Variants in C3orf20 observed in about 807,000 individuals in gnomAD.
C3orf20 encodes uncharacterized protein C3orf20.
A neutral mutation model predicts 88.3 loss-of-function variants in C3orf20; 76 were observed. That is an observed-to-expected ratio of 0.86 (90% CI 0.72 to 1.04). The LOEUF is 1.04. C3orf20 is among the 50% of genes least tolerant of loss of function. C3orf20 has a pLI of 0.00. For missense variants in C3orf20, 1,056 were observed against 1,123.3 expected (o/e 0.94, Z 0.86); for synonymous variants, 436 against 437.4 (o/e 1.00, Z 0.04).
At chr3:14,689,268 A>G (rs1032979564) in intron 4 of C3orf20, among the ~76,000 whole-genome samples, 1 of 152,114 alleles carries the variant, frequency 6.6e-6, no homozygotes, top group Non-Finnish European at 1.5e-5. Flanking sequence ...AGCAGAGGTG[A>G]TTACTTTTGT....
chr3:14,757,303 G>A, intron 12 of C3orf20, 68 bp from the exon 13 acceptor site: 1 of 1,384,142 alleles, frequency 7.2e-7, no homozygotes. Context: ...CAGGAGCCAG[G>A]GGGCTCTGGG....
At chr3:14,703,385 G>A (rs1343621809) in intron 6 of C3orf20, 123 bp downstream of exon 6, 2 of 1,493,168 alleles carry the variant, frequency 1.3e-6, no homozygotes, top group Non-Finnish European at 9.0e-7. Flanking sequence ...TGCCACCTGG[G>A]AGCGTGGGTT....
intron 1 of C3orf20, among the ~76,000 whole-genome samples, chr3:14,677,092 G>A (rs1023261930): frequency 2.6e-5 from 4 of 152,094 alleles, no homozygotes; most frequent in African/African-American, 4.8e-5. Flanking sequence ...GCAGTCACGC[G>A]CTGACATCTG....
Position 14,772,915 on chromosome 3 carries a change from C to A in C3orf20, c.*40C>A. 6.5e-7 allele frequency: 1 copy of A among 1,544,736 alleles called. No individual in the cohort carries two copies. Among genetic ancestry groups the A allele is most frequent in the Non-Finnish European group, 8.9e-7 (1 of 1,118,714 alleles). ...CAGCCAAGTGAGCCAGGCCCCGGCCCGGGGTGCTGGGGCTTCTTGCCAGCC... is the reference window on the plus strand; with the variant it reads ...CAGCCAAGTGAGCCAGGCCCCGGCCAGGGGTGCTGGGGCTTCTTGCCAGCC... On this transcript the variant is annotated 3_prime_UTR_variant, in exon 17 of 17. Transcript: ENST00000253697. This position sits in a 1 kb window ranked among gnomAD's most constrained non-coding sequence, Gnocchi z 4.2.
At chr3:14,753,639 G>C (rs2035281017) in intron 12 of C3orf20, among the ~76,000 whole-genome samples, 1 of 151,602 alleles carries the variant, frequency 6.6e-6, no homozygotes, top group African/African-American at 2.4e-5. Context: ...TTTTTTTGTT[G>C]TTGTTGAAAA....
At chr3:14,696,371 C>CATCATTATT (rs1553610665) in intron 5 of C3orf20, among the ~76,000 whole-genome samples, 1 of 142,042 alleles carries the variant, frequency 7.0e-6, no homozygotes, top group East Asian at 2.0e-4. Context: ...GTTGTGCTAT[C>CATCATTATT]ATTATTATTA....
chr3:14,706,123 C>T (rs967530020), intron 7 of C3orf20, among the ~76,000 whole-genome samples: 2 of 152,182 alleles, frequency 1.3e-5, no homozygotes, highest in Non-Finnish European at 2.9e-5. Context: ...CAACCAGGCT[C>T]TGCTGGCAGC....
At chr3:14,760,926 T>C (rs1383685024) in intron 14 of C3orf20, among the ~76,000 whole-genome samples, 1 of 152,126 alleles carries the variant, frequency 6.6e-6, no homozygotes, top group Non-Finnish European at 1.5e-5. Context: ...TTTAAGTTAT[T>C]TGTATTTTTT....
At chr3:14,746,330 A>G (rs2035056313) in intron 12 of C3orf20, among the ~76,000 whole-genome samples, 1 of 152,192 alleles carries the variant, frequency 6.6e-6, no homozygotes, top group Non-Finnish European at 1.5e-5. Context: ...AGGTAAAACT[A>G]GTCTCAGAAT....
intron 4 of C3orf20, among the ~76,000 whole-genome samples, chr3:14,687,601 C>T (rs1350119051): frequency 1.3e-5 from 2 of 152,230 alleles, no homozygotes; most frequent in South Asian, 2.1e-4. Context: ...GTTGCACGTG[C>T]ATGAGAGTCC....
At chr3:14,685,935 C>T (rs1264076654) in intron 4 of C3orf20, among the ~76,000 whole-genome samples, 6 of 146,864 alleles carry the variant, frequency 4.1e-5, no homozygotes, top group African/African-American at 7.5e-5. Flanking sequence ...GATCTTGGCT[C>T]GCTGCAAGCT....
chr3:14,755,519 G>C (rs991901194), intron 12 of C3orf20, among the ~76,000 whole-genome samples: 1 of 152,134 alleles, frequency 6.6e-6, no homozygotes, highest in African/African-American at 2.4e-5. Context: ...CTCTGCCCCA[G>C]ATATGCAGGT....
At chr3:14,713,568 C>T (rs2033827458) in intron 7 of C3orf20, among the ~76,000 whole-genome samples, 1 of 152,178 alleles carries the variant, frequency 6.6e-6, no homozygotes, top group African/African-American at 2.4e-5. Context: ...ATATTGCTGG[C>T]CTCAGAGATC....
chr3:14,747,506 A>T (rs1229978864), intron 12 of C3orf20, among the ~76,000 whole-genome samples: 1 of 152,212 alleles, frequency 6.6e-6, no homozygotes, highest in East Asian at 1.9e-4. Flanking sequence ...AGAAAACTGG[A>T]TTGAAAGAAC....
intron 7 of C3orf20, among the ~76,000 whole-genome samples, chr3:14,705,435 T>C (rs2033459027): frequency 6.6e-6 from 1 of 152,256 alleles, no homozygotes. Flanking sequence ...CACAGATGTG[T>C]ATCGAGTATC....
intron 9 of C3orf20, among the ~76,000 whole-genome samples, chr3:14,721,081 C>G (rs1305466979): frequency 6.6e-6 from 1 of 152,176 alleles, no homozygotes; most frequent in African/African-American, 2.4e-5. Context: ...TGCCCCTTTT[C>G]CACCCATCTT....
chr3:14,745,982 A>T (rs1184696074), intron 12 of C3orf20, among the ~76,000 whole-genome samples: 1 of 152,188 alleles, frequency 6.6e-6, no homozygotes, highest in African/African-American at 2.4e-5. Flanking sequence ...GTACCCATTA[A>T]ACAGTCACTT....
intron 12 of C3orf20, among the ~76,000 whole-genome samples, chr3:14,737,412 A>T (rs78375610): frequency 0.01 from 1,544 of 152,362 alleles, 23 homozygotes; most frequent in African/African-American, 0.035. Context: ...CAATAAAGCA[A>T]ATCACACAAA....
Position 14,772,318 on chromosome 3 carries a change from G to A in C3orf20, c.2630+117G>A, listed in dbSNP as rs294624. The A allele has an allele frequency of 3.5e-5, 44 of 1,260,652 alleles. No homozygotes were observed. The Admixed American group carries it at 6.7e-4, about 19-fold the overall frequency. The allele number at this position is 1,260,652 out of a possible 1,614,324, so 78.1% of individuals were successfully genotyped here. A position where few individuals can be genotyped will look rare whatever the true frequency, so the allele number is the denominator to read the frequency against. On this transcript the variant is annotated intron_variant, in intron 16 of 16. Transcript: ENST00000253697. The surrounding 1 kb of genome is among the most constrained non-coding windows in gnomAD (Gnocchi z 4.2). ...GTGGCCTGGGTCATGTCCAACCATC[G>A]CTGACATCTAGCCCATGTAATCAAC... is the stretch of plus-strand genomic sequence containing the variant.
Sources: allele counts gnomAD v4.1 joint callset (sites outside exome capture counted in the v4.1 genomes callset), GRCh38; gene constraint gnomAD v4.1.1; non-coding constraint Gnocchi (gnomAD v3.1); transcripts MANE v1.5; gene names NCBI Gene and HGNC (gene_info 2026-07-23, HGNC 2026-07-21).